PPP2R5B: variants seen among roughly 807,000 people sequenced by gnomAD.
PPP2R5B encodes the protein protein phosphatase 2 regulatory subunit B'beta, also known as serine/threonine-protein phosphatase 2A 56 kDa regulatory subunit beta isoform.
PPP2R5B carries 19 observed loss-of-function variants against 59.9 expected under a neutral mutation model. That is an observed-to-expected ratio of 0.32 (90% CI 0.22 to 0.47). The LOEUF is 0.47. PPP2R5B is among the 20% of genes least tolerant of loss of function. PPP2R5B has a pLI of 1.00. For missense variants in PPP2R5B, 441 were observed against 640.2 expected (o/e 0.69, Z 3.36); for synonymous variants, 286 against 260.5 (o/e 1.10, Z -0.94).
chr11:64,933,016 T>G, intron 12 of PPP2R5B, 124 bp downstream of exon 12: 1 of 1,514,414 alleles, frequency 6.6e-7, no homozygotes, highest in Non-Finnish European at 9.1e-7. Context: ...GGCCCAGGGG[T>G]GGTGAAAAGG....
chr11:64,928,288 C>G lies in PPP2R5B; in HGVS notation c.592-7C>G, dbSNP rs1157660258. 3 of 1,613,524 alleles carry G rather than the reference C, an allele frequency of 1.9e-6. No individual in the cohort carries two copies. Among genetic ancestry groups the G allele is most frequent in the East Asian group, 2.2e-5 (1 of 44,870 alleles). On this transcript the variant is annotated splice_region_variant and splice_polypyrimidine_tract_variant and intron_variant, in intron 5 of 13. Coordinates refer to ENST00000164133, the MANE Select transcript of PPP2R5B (RefSeq NM_006244.4). ...CCTGACCCTGACCCTGACTCTGGTT[C>G]CCACAGCTCCTGGAGCTATTTGATA...
Position 64,933,205 on chromosome 11 carries a change from G to C in PPP2R5B, c.1305G>C (p.Leu435=), listed in dbSNP as rs779110757. 8 of 1,613,248 alleles carry C rather than the reference G, an allele frequency of 5.0e-6. No individual in the cohort carries two copies. Among genetic ancestry groups the C allele is most frequent in the Admixed American group, 1.7e-5 (1 of 59,996 alleles). ...LKTFMEMNGK[L]FDELTASYKL... is the part of the protein sequence containing the mutation. ...CCTTCATGGAGATGAATGGGAAGCT[G>C]TTTGATGAGCTCACAGCCTCCTACA... is the stretch of plus-strand genomic sequence containing the variant. The change falls in exon 13 of 14, where the codon CTG becomes CTC. Residue 435 remains leucine, a synonymous_variant. Transcript: ENST00000164133.
chr11:64,934,331 C>A lies in PPP2R5B; in HGVS notation c.*487C>A. On this transcript the variant is annotated 3_prime_UTR_variant, in exon 14 of 14. Transcript: ENST00000164133. ...TCCCTCGCTGTGTACTTCCTTGTCC[C>A]CTTTTTATTTATTGGGCAGGGGGAG... The A allele has an allele frequency of 3.7e-6, 1 of 272,484 alleles. No individual in the cohort carries two copies. The allele number at this position is 272,484 out of a possible 1,614,324, so 16.9% of individuals were successfully genotyped here. A position where few individuals can be genotyped will look rare whatever the true frequency, so the allele number is the denominator to read the frequency against.
intron 1 of PPP2R5B, among the ~76,000 whole-genome samples, chr11:64,918,663 A>G (rs1262818290): frequency 2.6e-5 from 4 of 152,034 alleles, no homozygotes; most frequent in Non-Finnish European, 5.9e-5. Flanking sequence ...TTTTTGAGAC[A>G]GAGTCTTGCT....
In PPP2R5B at chr11:64,930,427, G is replaced by A. The variant is rs1166273527; in HGVS notation, c.782+46G>A. On this transcript the variant is annotated intron_variant, in intron 7 of 13. Coordinates refer to ENST00000164133, the MANE Select transcript of PPP2R5B (RefSeq NM_006244.4). ...GCTGGAGCTCAGGATTCTGGAAGGA[G>A]GGACTGGGGCCAGGTCACCTGAGCC... 4 of 1,613,704 alleles carry A rather than the reference G, an allele frequency of 2.5e-6. No individual in the cohort carries two copies. In the African/African-American group the frequency reaches 5.3e-5, roughly 22 times the overall value.
chr11:64,925,721 G>A lies in PPP2R5B; in HGVS notation c.-14G>A. 6.4e-7 allele frequency: 1 copy of A among 1,567,066 alleles called. No homozygotes were observed. Among genetic ancestry groups the A allele is most frequent in the Non-Finnish European group, 8.7e-7 (1 of 1,148,806 alleles). On this transcript the variant is annotated 5_prime_UTR_variant, in exon 2 of 14. Coordinates refer to ENST00000164133, the MANE Select transcript of PPP2R5B (RefSeq NM_006244.4). The surrounding 1 kb of genome is among the most constrained non-coding windows in gnomAD (Gnocchi z 4.6). The stretch of plus-strand genomic sequence containing the variant: ...CCCCGGGGCTCTGAAAGCTTGCCCT[G>A]CCGCCTGACCGCCATGGAGACGAAG...
At chr11:64,928,036 C>T (rs754996569) in intron 4 of PPP2R5B, 30 bp from the exon 5 acceptor site, 8 of 1,607,578 alleles carry the variant, frequency 5.0e-6, no homozygotes, top group Non-Finnish European at 2.6e-6. Flanking sequence ...TGTTACTGAA[C>T]TCACCTTTTT....
upstream of PPP2R5B, among the ~76,000 whole-genome samples, chr11:64,920,842 T>A (rs900347005): frequency 1.3e-5 from 2 of 151,540 alleles, no homozygotes; most frequent in African/African-American, 2.4e-5. Context: ...GTTGGTCAGG[T>A]TGGTCTCGAA....
intron 7 of PPP2R5B, 36 bp downstream of exon 7, chr11:64,930,417 T>G: frequency 6.2e-7 from 1 of 1,613,878 alleles, no homozygotes; most frequent in Non-Finnish European, 8.5e-7. Flanking sequence ...AGCTCAGGAT[T>G]CTGGAAGGAG....
At position 64,926,788 on chromosome 11, in the gene PPP2R5B, CTG is replaced by C; in HGVS notation, c.281_282del (p.Val94GlyfsTer51). On this transcript the variant is annotated frameshift_variant, in exon 3 of 14. Coordinates refer to ENST00000164133, the MANE Select transcript of PPP2R5B (RefSeq NM_006244.4). LOFTEE classifies it high-confidence loss of function. The part of the protein sequence containing the change: ...QCGVMFDFLD[C>X]VADLKGKEVK... The stretch of plus-strand genomic sequence containing the variant: ...GTGGGGTGATGTTTGACTTCTTGGA[CTG>C]TGTGGCCGACCTCAAGGGGAAGGAG... The C allele has an allele frequency of 6.2e-7, 1 of 1,614,212 alleles. No individual in the cohort carries two copies. Among genetic ancestry groups the C allele is most frequent in the Non-Finnish European group, 8.5e-7 (1 of 1,180,026 alleles).
At chr11:64,922,100 C>T (rs553564948), upstream of PPP2R5B, among the ~76,000 whole-genome samples, 2 of 151,484 alleles carry the variant, frequency 1.3e-5, no homozygotes, top group Admixed American at 6.6e-5. Flanking sequence ...CCCAGTTACT[C>T]GGGACTGAGG....
In PPP2R5B at chr11:64,931,194, T is replaced by G. The variant is rs758387797; in HGVS notation, c.892-242T>G. Among the ~76,000 whole-genome samples, 49 of 152,068 alleles carry G rather than the reference T, an allele frequency of 3.2e-4. No individual in the cohort carries two copies. The highest frequency in any genetic ancestry group is 1.3e-4 in the Admixed American group (2 of 15,262). ...CCACACTAGCCATATTATGGAACCT[T>G]TTGCAAAATTTATAAAGATGAGTTT... is the stretch of plus-strand genomic sequence containing the variant. On this transcript the variant is annotated intron_variant, in intron 8 of 13. Transcript: ENST00000164133. This position sits in a 1 kb window ranked among gnomAD's most constrained non-coding sequence, Gnocchi z 5.0.
chr11:64,933,014 G>C (rs1261347460), intron 12 of PPP2R5B, 122 bp downstream of exon 12: 2 of 1,525,324 alleles, frequency 1.3e-6, no homozygotes, highest in Non-Finnish European at 1.8e-6. Flanking sequence ...ATGGCCCAGG[G>C]GTGGTGAAAA....
At chr11:64,928,516 C>T in intron 6 of PPP2R5B, 91 bp downstream of exon 6, 1 of 1,568,488 alleles carries the variant, frequency 6.4e-7, no homozygotes. Flanking sequence ...GTGGCTCACA[C>T]CTGTAATCCC....
chr11:64,929,573 A>G (rs1590678728), intron 6 of PPP2R5B, among the ~76,000 whole-genome samples: 1 of 152,178 alleles, frequency 6.6e-6, no homozygotes, highest in African/African-American at 2.4e-5. Flanking sequence ...TAAAAATACA[A>G]AAATTAGCTG....
chr11:64,926,573 A>G, intron 2 of PPP2R5B, 139 bp from the exon 3 acceptor site: 2 of 861,994 alleles, frequency 2.3e-6, no homozygotes, highest in Non-Finnish European at 3.5e-6. Flanking sequence ...TGCTGTCTGC[A>G]AGGAGCAGGA....
At chr11:64,920,910 G>A (rs1023779182), upstream of PPP2R5B, among the ~76,000 whole-genome samples, 1 of 150,046 alleles carries the variant, frequency 6.7e-6, no homozygotes, top group Non-Finnish European at 1.5e-5. Flanking sequence ...TTACAGGTGT[G>A]AGCCACTGCG....
In PPP2R5B at chr11:64,933,029, A is replaced by C. The variant is rs1488526183; in HGVS notation, c.1245-116A>C. The C allele has an allele frequency of 3.3e-6, 5 of 1,501,850 alleles. No homozygotes were observed. The East Asian group carries it at 1.1e-4, about 34-fold the overall frequency. The allele number at this position is 1,501,850 out of a possible 1,614,324, so 93.0% of individuals were successfully genotyped here. Reference sequence around the variant, plus strand: ...ATGGCCCAGGGGTGGTGAAAAGGACAGGAAAGTGGGCAGTGCTTGTGTTCA... The same window carrying C: ...ATGGCCCAGGGGTGGTGAAAAGGACCGGAAAGTGGGCAGTGCTTGTGTTCA... On this transcript the variant is annotated intron_variant, in intron 12 of 13. Coordinates refer to ENST00000164133, the MANE Select transcript of PPP2R5B (RefSeq NM_006244.4).
chr11:64,933,520 G>A (rs969309664), intron 13 of PPP2R5B, among the ~76,000 whole-genome samples, 177 bp from the exon 14 acceptor site: 1 of 152,194 alleles, frequency 6.6e-6, no homozygotes, highest in Non-Finnish European at 1.5e-5. Context: ...TGCAGGCTGG[G>A]ATCTGTCTGT....
Sources: allele counts gnomAD v4.1 joint callset (sites outside exome capture counted in the v4.1 genomes callset), GRCh38; gene constraint gnomAD v4.1.1; non-coding constraint Gnocchi (gnomAD v3.1); transcripts MANE v1.5; gene names NCBI Gene and HGNC (gene_info 2026-07-23, HGNC 2026-07-21).